PPARGC1A: variants seen among roughly 807,000 people sequenced by gnomAD.
PPARGC1A encodes the protein peroxisome proliferator-activated receptor gamma coactivator 1-alpha.
A neutral mutation model predicts 88.7 loss-of-function variants in PPARGC1A; 25 were observed. The observed-to-expected ratio is 0.28, with a 90% CI of 0.21 to 0.39. The LOEUF is 0.39. Among genes scored for constraint, PPARGC1A ranks in the 10% least tolerant of loss-of-function variants. The pLI is 1.00. For missense variants in PPARGC1A, 880 were observed against 968.7 expected, an observed-to-expected ratio of 0.91 and a Z score of 1.22; for synonymous variants, 363 against 355.6, an observed-to-expected ratio of 1.02 and a Z score of -0.24.
At chr4:24,073,571 G>A in the PPARGC1A span, among the ~76,000 whole-genome samples, 1 of 152,172 alleles carries the variant, frequency 6.6e-6, no homozygotes, top group African/African-American at 2.4e-5. Context: ...ATGACTGTAT[G>A]CAAGTTCTTT....
chr4:23,820,379 C>T (rs1279064128), intron 7 of PPARGC1A: 1 of 156,422 alleles, frequency 6.4e-6, no homozygotes, highest in African/African-American at 2.4e-5. Flanking sequence ...ACAGTAATAA[C>T]AAATAAAAAC....
the PPARGC1A span, among the ~76,000 whole-genome samples, chr4:24,177,115 G>C: frequency 6.6e-6 from 1 of 152,054 alleles, no homozygotes; most frequent in Non-Finnish European, 1.5e-5. Context: ...TCCCATTACT[G>C]GGTATATACC....
intron 7 of PPARGC1A, among the ~76,000 whole-genome samples, chr4:23,818,382 T>G (rs1311238097): frequency 6.6e-6 from 1 of 152,164 alleles, no homozygotes; most frequent in Non-Finnish European, 1.5e-5. Context: ...TATAGCTTTT[T>G]TATTGCCGCC....
At chr4:24,432,831 G>A in the PPARGC1A span, among the ~76,000 whole-genome samples, 4 of 152,188 alleles carry the variant, frequency 2.6e-5, no homozygotes, top group African/African-American at 9.7e-5. Flanking sequence ...ATGCTGCTCA[G>A]GTGGCCGCCT....
At chr4:24,325,688 G>T in the PPARGC1A span, among the ~76,000 whole-genome samples, 5 of 152,186 alleles carry the variant, frequency 3.3e-5, no homozygotes, top group Admixed American at 3.3e-4. Context: ...GACGCTGCCC[G>T]ATCGCCTCGG....
At chr4:24,405,813 G>A in the PPARGC1A span, among the ~76,000 whole-genome samples, 1 of 152,052 alleles carries the variant, frequency 6.6e-6, no homozygotes, top group African/African-American at 2.4e-5. Flanking sequence ...CAGTCTTAGG[G>A]TTATTATAAG....
the PPARGC1A span, among the ~76,000 whole-genome samples, chr4:24,354,160 G>A: frequency 2.0e-5 from 3 of 152,026 alleles, no homozygotes; most frequent in Non-Finnish European, 2.9e-5. Context: ...GCAATGGGAC[G>A]TCAGATGCTT....
the PPARGC1A span, among the ~76,000 whole-genome samples, chr4:24,361,857 A>G: frequency 6.6e-6 from 1 of 152,324 alleles, no homozygotes; most frequent in Non-Finnish European, 1.5e-5. Context: ...AGACGGCCTC[A>G]GAGGCTCCAG....
chr4:24,358,113 G>A, the PPARGC1A span, among the ~76,000 whole-genome samples: 1 of 152,106 alleles, frequency 6.6e-6, no homozygotes, highest in South Asian at 2.1e-4. Flanking sequence ...TTTCAAGCAG[G>A]TGTTATTATC....
At chr4:23,921,850 C>T in the PPARGC1A span, among the ~76,000 whole-genome samples, 7 of 152,274 alleles carry the variant, frequency 4.6e-5, no homozygotes, top group South Asian at 6.2e-4. Context: ...TTCACCTAAA[C>T]GGAATACCTC....
At chr4:23,874,156 T>G (rs186449829) in intron 2 of PPARGC1A, among the ~76,000 whole-genome samples, 5 of 152,350 alleles carry the variant, frequency 3.3e-5, no homozygotes, top group Admixed American at 3.3e-4. Flanking sequence ...TACAATTTCA[T>G]GCTTGTTGAA....
chr4:24,472,738 AGCC>A, the PPARGC1A span, among the ~76,000 whole-genome samples: 1 of 150,976 alleles, frequency 6.6e-6, no homozygotes, highest in Non-Finnish European at 1.5e-5. The surrounding 1 kb of genome is among the most constrained non-coding windows in gnomAD (Gnocchi z 4.5). Context: ...TGACTTGGGC[AGCC>A]GCCGCCGCCG....
At chr4:24,198,841 C>T in the PPARGC1A span, among the ~76,000 whole-genome samples, 18 of 152,302 alleles carry the variant, frequency 1.2e-4, no homozygotes, top group African/African-American at 4.3e-4. Flanking sequence ...GGGGCACCTA[C>T]AGGCTGGTCC....
the PPARGC1A span, among the ~76,000 whole-genome samples, chr4:24,021,945 G>A: frequency 2.0e-5 from 3 of 152,200 alleles, no homozygotes; most frequent in Non-Finnish European, 4.4e-5. Flanking sequence ...GATGATGCAA[G>A]AGCTCTGTCT....
chr4:23,996,263 T>C, the PPARGC1A span, among the ~76,000 whole-genome samples: 2 of 152,246 alleles, frequency 1.3e-5, no homozygotes, highest in Non-Finnish European at 2.9e-5. Flanking sequence ...TAATGCAAAG[T>C]CCCAAGTCAC....
the PPARGC1A span, among the ~76,000 whole-genome samples, chr4:24,219,384 C>A: frequency 6.6e-6 from 1 of 152,100 alleles, no homozygotes; most frequent in Non-Finnish European, 1.5e-5. Context: ...CATTCCCGGG[C>A]CGAATCTTAC....
intron 2 of PPARGC1A, chr4:23,883,494 T>C (rs1206249461): frequency 6.6e-6 from 1 of 152,202 alleles, no homozygotes; most frequent in Non-Finnish European, 1.5e-5. Context: ...AACTTTGAAG[T>C]CCGATAAATT....
chr4:24,166,621 T>C, the PPARGC1A span, among the ~76,000 whole-genome samples: 1 of 152,152 alleles, frequency 6.6e-6, no homozygotes, highest in Non-Finnish European at 1.5e-5. Flanking sequence ...GAAACCAAGA[T>C]AAGGGAGTAA....
chr4:23,980,087 T>C, the PPARGC1A span, among the ~76,000 whole-genome samples: 1 of 151,896 alleles, frequency 6.6e-6, no homozygotes, highest in Non-Finnish European at 1.5e-5. Flanking sequence ...TCTTCATGTT[T>C]TCCTCTGATT....
Sources: allele counts gnomAD v4.1 joint callset (sites outside exome capture counted in the v4.1 genomes callset), GRCh38; gene constraint gnomAD v4.1.1; non-coding constraint Gnocchi (gnomAD v3.1); transcripts MANE v1.5; gene names NCBI Gene and HGNC (gene_info 2026-07-23, HGNC 2026-07-21).